Variants in UHRF2 observed in about 807,000 individuals in gnomAD.
UHRF2 encodes the protein E3 ubiquitin-protein ligase UHRF2.
A neutral mutation model predicts 96.8 loss-of-function variants in UHRF2; 23 were observed. The ratio of observed to expected loss-of-function variants is 0.24; its 90% CI spans 0.17 to 0.34. The LOEUF (loss-of-function observed/expected upper bound fraction) is 0.34. UHRF2 is among the 10% of genes least tolerant of loss of function. The pLI, the probability that UHRF2 is intolerant of heterozygous loss-of-function variation, is 1.00. For missense variants in UHRF2, 685 were observed against 981.5 expected, an observed-to-expected ratio of 0.70 and a Z score of 4.04; for synonymous variants, 385 against 332.6, an observed-to-expected ratio of 1.16 and a Z score of -1.72.
chr9:6,467,103 T>C (rs1207237402), intron 4 of UHRF2, among the ~76,000 whole-genome samples: 2 of 152,244 alleles, frequency 1.3e-5, no homozygotes, highest in African/African-American at 2.4e-5. Context: ...AAATCTTAAA[T>C]GGATTTGAAT....
intron 3 of UHRF2, among the ~76,000 whole-genome samples, chr9:6,440,441 C>A (rs1346527002): frequency 6.6e-6 from 1 of 152,116 alleles, no homozygotes; most frequent in African/African-American, 2.4e-5. Context: ...CAAGAGTTAA[C>A]CAATATGCAG....
rs558426824 is a variant in UHRF2, at chr9:6,456,852, G to A, written c.645-3721G>A. Reference sequence around the variant, plus strand: ...AAGATCAGATAGTTGAAGATGTGTGGCGTTATTTCTGAGACCTCTGTTCAG... The same window carrying A: ...AAGATCAGATAGTTGAAGATGTGTGACGTTATTTCTGAGACCTCTGTTCAG... On this transcript the variant is annotated intron_variant, in intron 3 of 15. Transcript: ENST00000276893. Among the ~76,000 whole-genome samples, 5 of 152,216 alleles carry A rather than the reference G, an allele frequency of 3.3e-5. No individual in the cohort carries two copies. In the East Asian group the frequency reaches 5.8e-4, roughly 18 times the overall value.
At chr9:6,421,609 G>T (rs995810909) in intron 2 of UHRF2, among the ~76,000 whole-genome samples, 5 of 152,046 alleles carry the variant, frequency 3.3e-5, no homozygotes, top group East Asian at 1.9e-4. Flanking sequence ...TAGAAACAGG[G>T]TTTCACCATG....
intron 5 of UHRF2, among the ~76,000 whole-genome samples, chr9:6,476,688 G>A (rs560911177): frequency 1.2e-4 from 18 of 152,076 alleles, no homozygotes; most frequent in East Asian, 3.9e-4. Context: ...TCTGCCTCCC[G>A]GGTTCAGGTG....
chr9:6,453,668 G>A (rs1020640010), intron 3 of UHRF2, among the ~76,000 whole-genome samples: 1 of 152,158 alleles, frequency 6.6e-6, no homozygotes, highest in Non-Finnish European at 1.5e-5. Flanking sequence ...AATGGGATTG[G>A]CCAAGGCGGG....
At chr9:6,465,841 T>C (rs1822827669) in intron 4 of UHRF2, among the ~76,000 whole-genome samples, 1 of 152,226 alleles carries the variant, frequency 6.6e-6, no homozygotes, top group Non-Finnish European at 1.5e-5. Context: ...TTTCTGTTTT[T>C]AATTTGTGAG....
chr9:6,435,944 A>G (rs560346585), intron 3 of UHRF2, among the ~76,000 whole-genome samples: 1 of 152,226 alleles, frequency 6.6e-6, no homozygotes, highest in African/African-American at 2.4e-5. Context: ...TGGAAGTGGT[A>G]TTAAGAACTT....
chr9:6,428,176 T>C (rs1820363333), intron 2 of UHRF2, among the ~76,000 whole-genome samples: 1 of 152,246 alleles, frequency 6.6e-6, no homozygotes, highest in Non-Finnish European at 1.5e-5. Flanking sequence ...TTATCATTGA[T>C]AACTTCTTAT....
chr9:6,490,080 A>T (rs761419059), intron 9 of UHRF2, among the ~76,000 whole-genome samples: 2 of 152,228 alleles, frequency 1.3e-5, no homozygotes, highest in Non-Finnish European at 2.9e-5. Flanking sequence ...AGGCTTTATA[A>T]ATAAACCAAC....
intron 5 of UHRF2, among the ~76,000 whole-genome samples, chr9:6,476,920 C>A (rs1823608341): frequency 6.6e-6 from 1 of 152,104 alleles, no homozygotes; most frequent in African/African-American, 2.4e-5. Flanking sequence ...AAACCTCACA[C>A]TTGATTATTC....
chr9:6,461,311 C>G (rs1046891490), intron 4 of UHRF2, among the ~76,000 whole-genome samples: 1 of 151,550 alleles, frequency 6.6e-6, no homozygotes, highest in Non-Finnish European at 1.5e-5. Context: ...TCTTTCTTTT[C>G]TTTTTTTCTT....
At position 6,460,651 on chromosome 9, in the gene UHRF2, A is replaced by G; in HGVS notation, c.723A>G (p.Glu241=). 6.2e-7 allele frequency: 1 copy of G among 1,613,698 alleles called. No individual in the cohort carries two copies. The highest frequency in any genetic ancestry group is 8.5e-7 in the Non-Finnish European group (1 of 1,179,976). The change falls in exon 4 of 16, where the codon GAA becomes GAG. Residue 241 remains glutamate, a synonymous_variant. Transcript: ENST00000276893. ...CTAGAACCATTTTGAAATGGAATGA[A>G]CTAAATGTTGGTGATGTGGTAATGG... ...PRARTILKWN[E]LNVGDVVMVN...
At chr9:6,430,517 T>C (rs1238519797) in intron 2 of UHRF2, among the ~76,000 whole-genome samples, 2 of 152,192 alleles carry the variant, frequency 1.3e-5, no homozygotes, top group Non-Finnish European at 2.9e-5. Flanking sequence ...TAGAGCTAGC[T>C]TATTCCTAGA....
chr9:6,488,699 T>C (rs1824467956), intron 9 of UHRF2, among the ~76,000 whole-genome samples: 3 of 151,720 alleles, frequency 2.0e-5, no homozygotes, highest in Admixed American at 2.0e-4. Context: ...ATGGGGTTTC[T>C]CCATATTGGC....
chr9:6,479,114 T>A (rs1451423200), intron 6 of UHRF2, among the ~76,000 whole-genome samples: 1 of 152,116 alleles, frequency 6.6e-6, no homozygotes, highest in East Asian at 1.9e-4. Flanking sequence ...ACACAAACCT[T>A]CCTTGATCCC....
intron 3 of UHRF2, among the ~76,000 whole-genome samples, chr9:6,448,181 G>C (rs1419664525): frequency 1.3e-5 from 2 of 152,152 alleles, no homozygotes; most frequent in East Asian, 1.9e-4. Flanking sequence ...CAAAAAGACA[G>C]AGTACCTAAG....
chr9:6,430,281 A>T (rs1417464501), intron 2 of UHRF2, among the ~76,000 whole-genome samples: 1 of 152,198 alleles, frequency 6.6e-6, no homozygotes, highest in African/African-American at 2.4e-5. Context: ...AACTGCTGGG[A>T]TTACAGGCGT....
At chr9:6,443,509 T>A (rs992939081) in intron 3 of UHRF2, among the ~76,000 whole-genome samples, 1 of 152,232 alleles carries the variant, frequency 6.6e-6, no homozygotes, top group South Asian at 2.1e-4. Context: ...TTTAAAAAAC[T>A]ATTGTAAAAC....
intron 3 of UHRF2, among the ~76,000 whole-genome samples, chr9:6,453,431 T>C (rs534133039): frequency 7.2e-5 from 11 of 152,206 alleles, no homozygotes; most frequent in Non-Finnish European, 1.5e-4. Flanking sequence ...AGGAATATTA[T>C]CTGAAATAGA....
Sources: allele counts gnomAD v4.1 joint callset (sites outside exome capture counted in the v4.1 genomes callset), GRCh38; gene constraint gnomAD v4.1.1; transcripts MANE v1.5; gene names NCBI Gene and HGNC (gene_info 2026-07-23, HGNC 2026-07-21).